CLIC2: variants seen among roughly 807,000 people sequenced by gnomAD.
The protein encoded by CLIC2 is chloride intracellular channel protein 2.
Under a neutral mutation model 14.8 loss-of-function variants are expected in CLIC2, and 9 were observed. That is an observed-to-expected ratio of 0.61 (90% CI 0.37 to 1.06). The LOEUF is 1.06. CLIC2 is among the 50% of genes least tolerant of loss of function. The probability of loss-of-function intolerance (pLI) is 0.01; values close to 1 mark genes in which losing one functional copy is unlikely to be tolerated. For missense variants in CLIC2, 148 were observed against 181.4 expected (o/e 0.82, Z 1.06); for synonymous variants, 61 against 66.3 (o/e 0.92, Z 0.39).
At chrX:155,282,432 T>C (rs1260921474) in intron 3 of CLIC2, among the ~76,000 whole-genome samples, 1 of 111,330 alleles carries the variant, frequency 9.0e-6, no homozygotes, top group Non-Finnish European at 1.9e-5. Context: ...CACCAGACTT[T>C]GCCTCAGACC....
At chrX:155,306,205 A>G (rs2075054893) in intron 1 of CLIC2, among the ~76,000 whole-genome samples, 1 of 111,418 alleles carries the variant, frequency 9.0e-6, no homozygotes, top group Admixed American at 9.6e-5. Context: ...CTGGGGGCGG[A>G]TCCCTCATTA....
intron 3 of CLIC2, chrX:155,293,472 C>A: frequency 1.9e-6 from 1 of 536,091 alleles, no homozygotes; most frequent in Non-Finnish European, 3.4e-6. Context: ...CTACACAAAA[C>A]CACCAAACTG....
chrX:155,299,284 A>G, intron 1 of CLIC2, 139 bp from the exon 2 acceptor site: 1 of 477,996 alleles, frequency 2.1e-6, no homozygotes, highest in Admixed American at 3.0e-5. Context: ...ATGGACAGAG[A>G]GATATAGGGA....
chrX:155,325,380 T>C (rs1369557874), intron 1 of CLIC2, among the ~76,000 whole-genome samples: 2 of 110,657 alleles, frequency 1.8e-5, no homozygotes, highest in Admixed American at 1.9e-4. Context: ...AATGATAGAA[T>C]GGACAAAGAA....
chrX:155,300,923 T>G (rs1473887662), intron 1 of CLIC2, among the ~76,000 whole-genome samples: 2 of 75,172 alleles, frequency 2.7e-5, no homozygotes, highest in Admixed American at 1.6e-4. Context: ...CTGTGTTCTG[T>G]TCCATTGATC....
chrX:155,290,215 G>T (rs1602932988), intron 3 of CLIC2: 1 of 144,787 alleles, frequency 6.9e-6, no homozygotes, highest in African/African-American at 3.1e-5. Context: ...AATTTAAAAA[G>T]TACATAGAAG....
intron 3 of CLIC2, chrX:155,292,798 C>CAAACAAAT: frequency 1.5e-6 from 1 of 680,223 alleles, no homozygotes; most frequent in Non-Finnish European, 2.3e-6. Context: ...AACAAACAAA[C>CAAACAAAT]AAATAAAAAA....
At chrX:155,314,618 A>C (rs2075088607) in intron 1 of CLIC2, among the ~76,000 whole-genome samples, 1 of 112,162 alleles carries the variant, frequency 8.9e-6, no homozygotes, top group African/African-American at 3.2e-5. Flanking sequence ...AGTCTAAGCA[A>C]GTGAGAAATA....
intron 1 of CLIC2, among the ~76,000 whole-genome samples, chrX:155,329,527 G>A (rs2075149542): frequency 9.3e-6 from 1 of 107,901 alleles, no homozygotes; most frequent in Non-Finnish European, 1.9e-5. Flanking sequence ...CCAAAAGACA[G>A]GAAATAACAA....
intron 1 of CLIC2, among the ~76,000 whole-genome samples, chrX:155,300,798 C>A (rs1290575675): frequency 5.5e-5 from 5 of 91,671 alleles, no homozygotes; most frequent in South Asian, 5.9e-4. Context: ...CTACATATGG[C>A]TAGCCAGTTT....
At chrX:155,286,816 C>T (rs1458385225) in intron 3 of CLIC2, among the ~76,000 whole-genome samples, 3 of 111,695 alleles carry the variant, frequency 2.7e-5, no homozygotes, top group African/African-American at 9.7e-5. Flanking sequence ...CATTTGAATG[C>T]GATTTTTTTC....
intron 1 of CLIC2, among the ~76,000 whole-genome samples, chrX:155,311,424 C>T (rs1351751242): frequency 5.4e-5 from 6 of 111,576 alleles, no homozygotes; most frequent in East Asian, 2.8e-4. Flanking sequence ...ACCTTTGCTC[C>T]GGTTCCCAGC....
chrX:155,292,174 T>C, intron 3 of CLIC2: 1 of 567,508 alleles, frequency 1.8e-6, no homozygotes, highest in Non-Finnish European at 3.2e-6. Context: ...ACTATATGCT[T>C]CAAGAACAAG....
At chrX:155,278,616 A>G (rs782733514) in intron 5 of CLIC2, among the ~76,000 whole-genome samples, 1 of 112,709 alleles carries the variant, frequency 8.9e-6, no homozygotes, top group East Asian at 2.8e-4. Flanking sequence ...AGACAGTGGA[A>G]AATACCTTCT....
rs2074903261 is a variant in CLIC2 at position 155,277,671 on chromosome X, A to G, written c.*232T>C. 5 of 352,998 alleles carry G rather than the reference A, an allele frequency of 1.4e-5. No homozygotes were observed. Among genetic ancestry groups the G allele is most frequent in the Non-Finnish European group, 2.5e-5 (5 of 203,475 alleles). The allele number at this position is 352,998 out of a possible 1,213,427, so 29.1% of individuals were successfully genotyped here. ...GATTGTGATGCTTTCCATGTCATTC[A>G]GGATTGCAGTGGTTTGCCATACAGA... is the stretch of plus-strand genomic sequence containing the variant. On this transcript the variant is annotated 3_prime_UTR_variant, in exon 6 of 6. Transcript: ENST00000369449.
intron 1 of CLIC2, among the ~76,000 whole-genome samples, chrX:155,312,680 T>C (rs2075078540): frequency 8.9e-6 from 1 of 112,091 alleles, no homozygotes; most frequent in African/African-American, 3.2e-5. Context: ...AATTTTAAAA[T>C]AGTCTTTTCT....
In CLIC2 at chrX:155,297,884, A is replaced by AAAAAAAAAAAAAAAG. The variant is rs1557318527; in HGVS notation, c.293+900_293+901insCTTTTTTTTTTTTTT. Among the ~76,000 whole-genome samples the AAAAAAAAAAAAAAAG allele has an allele frequency of 2.2e-3, 101 of 45,227 alleles. 29 individuals carry two copies. The highest frequency in any genetic ancestry group is 9.4e-3 in the East Asian group (10 of 1,062). The allele number at this position is 45,227 out of a possible 115,157, so 39.3% of individuals were successfully genotyped here. On this transcript the variant is annotated intron_variant, in intron 3 of 5. Coordinates refer to ENST00000369449, the MANE Select transcript of CLIC2 (RefSeq NM_001289.6). ...TCAAAAAAAAAAAAAAAAAAAAAAA[A>AAAAAAAAAAAAAAAG]AAGAAGGTGAACCATCAGAGAGACA...
chrX:155,289,099 G>A (rs782236067), intron 3 of CLIC2, among the ~76,000 whole-genome samples: 1 of 109,040 alleles, frequency 9.2e-6, no homozygotes, highest in East Asian at 2.9e-4. Context: ...AGCGGAGATC[G>A]TGCGATTGCT....
intron 3 of CLIC2, among the ~76,000 whole-genome samples, chrX:155,285,042 A>C (rs1470846799): frequency 1.8e-5 from 2 of 112,469 alleles, no homozygotes; most frequent in African/African-American, 6.5e-5. Context: ...TTATGAAAGA[A>C]TGGAGTTCTG....
Sources: gnomAD v4.1 joint callset for allele counts (sites outside exome capture counted in the v4.1 genomes callset) on GRCh38, gnomAD v4.1.1 for gene constraint, MANE v1.5 for transcripts, NCBI Gene and HGNC (gene_info 2026-07-23, HGNC 2026-07-21) for gene names.